Variants in EPB41L2 observed in about 807,000 individuals in gnomAD.
The protein encoded by EPB41L2 is band 4.1-like protein 2.
In EPB41L2, 43 loss-of-function variants were observed where a neutral mutation model predicts 113.0. The observed-to-expected ratio is 0.38, with a 90% confidence interval of 0.30 to 0.49. EPB41L2 has a LOEUF of 0.49. Ranked by LOEUF, EPB41L2 falls within the 20% of genes least tolerant of loss-of-function variation. The pLI is 0.95. For synonymous variants in EPB41L2, 442 were observed against 436.7 expected, an observed-to-expected ratio of 1.01 and a Z score of -0.15; for missense variants, 1,147 against 1,223.4, an observed-to-expected ratio of 0.94 and a Z score of 0.93.
chr6:130,848,197 T>TCACACA lies in EPB41L2; in HGVS notation c.*6-7600_*6-7599insTGTGTG, dbSNP rs1309842285. On this transcript the variant is annotated intron_variant, in intron 19 of 19. Coordinates refer to ENST00000337057, the MANE Select transcript of EPB41L2 (RefSeq NM_001431.4). ...GTCTCTCTCTGTCTCTCTCTCTCTC[T>TCACACA]CTCACACACACACACACACACACAC... is the stretch of plus-strand genomic sequence containing the variant. 7.7e-4 allele frequency among the ~76,000 whole-genome samples: 99 copies of TCACACA among 127,820 alleles called. No homozygotes were observed. In the East Asian group the frequency reaches 0.011, roughly 15 times the overall value. The allele number at this position is 127,820 out of a possible 152,430, so 83.9% of individuals were successfully genotyped here. A position where few individuals can be genotyped will look rare whatever the true frequency, so the allele number is the denominator to read the frequency against.
chr6:130,904,423 G>T, intron 6 of EPB41L2, 42 bp downstream of exon 6: 2 of 1,364,812 alleles, frequency 1.5e-6, no homozygotes, highest in Non-Finnish European at 2.1e-6. Flanking sequence ...ATAAACGAGA[G>T]CTGTAAGGAA....
At chr6:131,010,453 C>A (rs1234100025) in intron 1 of EPB41L2, among the ~76,000 whole-genome samples, 1 of 150,950 alleles carries the variant, frequency 6.6e-6, no homozygotes, top group Non-Finnish European at 1.5e-5. Flanking sequence ...CACACTGTCA[C>A]CCAGGCTGGA....
At chr6:130,935,424 T>C (rs1221457049) in intron 3 of EPB41L2, among the ~76,000 whole-genome samples, 1 of 152,226 alleles carries the variant, frequency 6.6e-6, no homozygotes, top group Non-Finnish European at 1.5e-5. Flanking sequence ...CCCAGTCTGC[T>C]GGGTTTTGAA....
chr6:130,855,977 C>A (rs1399110498), intron 19 of EPB41L2, among the ~76,000 whole-genome samples: 1 of 151,776 alleles, frequency 6.6e-6, no homozygotes, highest in East Asian at 1.9e-4. Context: ...GACGCATGGA[C>A]CAATAGAAAT....
chr6:130,947,923 T>A (rs895066838), intron 3 of EPB41L2, among the ~76,000 whole-genome samples: 1 of 152,262 alleles, frequency 6.6e-6, no homozygotes, highest in Admixed American at 6.5e-5. Context: ...TTATGGCCTA[T>A]GTTGAGATGT....
intron 1 of EPB41L2, among the ~76,000 whole-genome samples, chr6:130,998,875 C>T (rs1467611787): frequency 6.6e-6 from 1 of 152,136 alleles, no homozygotes; most frequent in Non-Finnish European, 1.5e-5. Context: ...CTCAGTGACT[C>T]CACTGAGAGA....
chr6:131,016,863 GCA>G (rs1047379765), intron 1 of EPB41L2, among the ~76,000 whole-genome samples: 2 of 151,188 alleles, frequency 1.3e-5, no homozygotes, highest in Non-Finnish European at 2.9e-5. Context: ...AAAAAACCTG[GCA>G]ATAAATTAGT....
chr6:130,988,133 A>C (rs1016791280), intron 1 of EPB41L2, among the ~76,000 whole-genome samples: 1 of 152,160 alleles, frequency 6.6e-6, no homozygotes, highest in Non-Finnish European at 1.5e-5. Context: ...AATAAATAAA[A>C]ATAGGCTCAG....
At position 131,008,818 on chromosome 6, in the gene EPB41L2, T is replaced by A. The variant is rs761529367; in HGVS notation, c.-14-52319A>T. ...AACTTAGGTGGGGCCTGTAGCCCCT[T>A]TGTTTTGGTCATTTCTCCCGTTTGG... On this transcript the variant is annotated intron_variant, in intron 1 of 19. Transcript: ENST00000337057. 2.0e-5 allele frequency among the ~76,000 whole-genome samples: 3 copies of A among 152,208 alleles called. No individual in the cohort carries two copies. The South Asian group carries it at 6.2e-4, about 31-fold the overall frequency.
At chr6:130,877,639 C>T (rs1398509560) in intron 14 of EPB41L2, among the ~76,000 whole-genome samples, 1 of 152,092 alleles carries the variant, frequency 6.6e-6, no homozygotes, top group Non-Finnish European at 1.5e-5. Context: ...TTCAAGCTTT[C>T]AACAGGGCTC....
At chr6:131,001,152 C>CA (rs1332860481) in intron 1 of EPB41L2, among the ~76,000 whole-genome samples, 1 of 151,872 alleles carries the variant, frequency 6.6e-6, no homozygotes, top group Non-Finnish European at 1.5e-5. Context: ...TACATGCTAT[C>CA]ACTCAAGTGT....
chr6:130,959,371 T>A (rs1203705604), intron 1 of EPB41L2, among the ~76,000 whole-genome samples: 1 of 152,074 alleles, frequency 6.6e-6, no homozygotes, highest in Non-Finnish European at 1.5e-5. Context: ...TGGGGATACA[T>A]CACCTAGAGA....
chr6:130,900,766 G>A, intron 7 of EPB41L2, among the ~76,000 whole-genome samples, 196 bp downstream of exon 7: 1 of 152,162 alleles, frequency 6.6e-6, no homozygotes, highest in East Asian at 1.9e-4. Context: ...TACAAGTATA[G>A]TTTCTCAGAC....
intron 14 of EPB41L2, among the ~76,000 whole-genome samples, chr6:130,874,167 T>A (rs1218583622): frequency 6.6e-6 from 1 of 152,050 alleles, no homozygotes; most frequent in Admixed American, 6.6e-5. Context: ...TACAATAGAG[T>A]TATTTACCCA....
At chr6:130,847,835 G>C (rs116634231) in intron 19 of EPB41L2, among the ~76,000 whole-genome samples, 1,734 of 152,214 alleles carry the variant, frequency 0.011, 41 homozygotes, top group African/African-American at 0.039. Context: ...TGATATAAAA[G>C]CGTTCTACAA....
At chr6:130,887,608 A>G (rs1703698076) in intron 11 of EPB41L2, among the ~76,000 whole-genome samples, 1 of 152,166 alleles carries the variant, frequency 6.6e-6, no homozygotes, top group South Asian at 2.1e-4. Flanking sequence ...TGTTCCAGGA[A>G]TGTATCCAGC....
intron 10 of EPB41L2, among the ~76,000 whole-genome samples, chr6:130,891,743 C>A (rs1488060892): frequency 6.6e-6 from 1 of 152,170 alleles, no homozygotes; most frequent in Non-Finnish European, 1.5e-5. Flanking sequence ...CCACTGTGCC[C>A]GGCCATATCA....
Position 130,956,065 on chromosome 6 carries a change from C to A in EPB41L2, c.421G>T (p.Val141Phe). 4 of 1,614,092 alleles carry A rather than the reference C, an allele frequency of 2.5e-6. No homozygotes were observed. Among genetic ancestry groups the A allele is most frequent in the Non-Finnish European group, 3.4e-6 (4 of 1,180,024 alleles). Residue 141 changes from valine to phenylalanine, a missense_variant, in exon 2 of 20, where the codon GTT (valine) becomes TTT (phenylalanine). Transcript: ENST00000337057. The stretch of plus-strand genomic sequence containing the variant: ...GAGGGTTTTTCTTCCTTGACTTCAA[C>A]TTTAATCTCTTGTTTCTTCTGAGCC... ...EMAQKKQEIK[V>F]EVKEEKPSVS... is the part of the protein sequence containing the mutation.
chr6:130,962,791 C>A (rs1773922221), intron 1 of EPB41L2, among the ~76,000 whole-genome samples: 1 of 152,126 alleles, frequency 6.6e-6, no homozygotes, highest in African/African-American at 2.4e-5. Flanking sequence ...ACTTTCCCCC[C>A]TTCCACATGT....
Sources: gnomAD v4.1 joint callset for allele counts (sites outside exome capture counted in the v4.1 genomes callset) on GRCh38, gnomAD v4.1.1 for gene constraint, MANE v1.5 for transcripts, NCBI Gene and HGNC (gene_info 2026-07-23, HGNC 2026-07-21) for gene names.